The following NLGN1 variants were observed in gnomAD, a reference collection of about 807,000 sequenced individuals.
NLGN1 encodes the protein neuroligin-1.
NLGN1 carries 12 observed loss-of-function variants against 65.5 expected under a neutral mutation model. That is an observed-to-expected ratio of 0.18 (90% CI 0.12 to 0.30). The LOEUF (loss-of-function observed/expected upper bound fraction) is 0.30. NLGN1 is among the 10% of genes least tolerant of loss of function. The pLI, the probability that NLGN1 is intolerant of heterozygous loss-of-function variation, is 1.00. For missense variants in NLGN1, 750 were observed against 1,007.1 expected, an observed-to-expected ratio of 0.74 and a Z score of 3.46; for synonymous variants, 350 against 359.5, an observed-to-expected ratio of 0.97 and a Z score of 0.30.
chr3:173,757,150 A>C (rs975242127), intron 3 of NLGN1, among the ~76,000 whole-genome samples: 5 of 152,074 alleles, frequency 3.3e-5, no homozygotes, highest in African/African-American at 4.8e-5. Flanking sequence ...ACATTTTTGC[A>C]ATATCTAGTG....
chr3:173,421,417 G>C (rs1379104271), intron 1 of NLGN1, among the ~76,000 whole-genome samples: 1 of 151,746 alleles, frequency 6.6e-6, no homozygotes, highest in Non-Finnish European at 1.5e-5. Flanking sequence ...ACATTGGTAT[G>C]TTATCCCATC....
At chr3:173,772,459 A>G (rs957664155) in intron 3 of NLGN1, among the ~76,000 whole-genome samples, 2 of 151,984 alleles carry the variant, frequency 1.3e-5, no homozygotes, top group Non-Finnish European at 2.9e-5. Flanking sequence ...CTCTACTAAA[A>G]ATACAAAAAT....
chr3:173,478,915 A>G (rs1016809299), intron 2 of NLGN1, among the ~76,000 whole-genome samples: 11 of 151,990 alleles, frequency 7.2e-5, no homozygotes, highest in African/African-American at 1.9e-4. Flanking sequence ...AAGAAAAAGA[A>G]AAAGAAAGAA....
chr3:173,568,509 A>G (rs1290423076), intron 2 of NLGN1, among the ~76,000 whole-genome samples: 1 of 152,020 alleles, frequency 6.6e-6, no homozygotes, highest in Non-Finnish European at 1.5e-5. Flanking sequence ...TGTTGGGATT[A>G]CAGGCACAAG....
chr3:174,193,615 T>C (rs1017306935), intron 4 of NLGN1, among the ~76,000 whole-genome samples: 2 of 152,134 alleles, frequency 1.3e-5, no homozygotes, highest in Non-Finnish European at 2.9e-5. Context: ...GGAGTTGCTA[T>C]TACATGAGAA....
chr3:174,291,872 A>T, the NLGN1 span, among the ~76,000 whole-genome samples: 1 of 151,230 alleles, frequency 6.6e-6, no homozygotes, highest in Non-Finnish European at 1.5e-5. Flanking sequence ...TAAACTTGTT[A>T]CATGTTCTGA....
chr3:173,648,228 A>G (rs1758581917), intron 3 of NLGN1, among the ~76,000 whole-genome samples: 1 of 152,200 alleles, frequency 6.6e-6, no homozygotes, highest in Non-Finnish European at 1.5e-5. Context: ...ACAAATTGAG[A>G]GAAAATATTT....
At chr3:173,584,244 GA>G (rs78174265) in intron 2 of NLGN1, among the ~76,000 whole-genome samples, 3,733 of 80,680 alleles carry the variant, frequency 0.046, 64 homozygotes, top group Middle Eastern at 0.089. Flanking sequence ...GGGGCAGAAA[GA>G]AAAAAAAAAA....
At chr3:173,985,717 A>G (rs1719731642) in intron 4 of NLGN1, among the ~76,000 whole-genome samples, 2 of 152,186 alleles carry the variant, frequency 1.3e-5, no homozygotes, top group Admixed American at 6.5e-5. Context: ...TGGGAGGCGC[A>G]AGCGGGTGGA....
At chr3:173,421,540 T>G (rs1715049648) in intron 1 of NLGN1, among the ~76,000 whole-genome samples, 1 of 151,770 alleles carries the variant, frequency 6.6e-6, no homozygotes, top group Non-Finnish European at 1.5e-5. Flanking sequence ...ACAGGGTCTC[T>G]GTCACGCAGG....
chr3:173,981,616 A>G (rs780785400), intron 4 of NLGN1, among the ~76,000 whole-genome samples: 19 of 152,246 alleles, frequency 1.2e-4, no homozygotes, highest in African/African-American at 3.8e-4. Context: ...ATGTAAGGCC[A>G]TGTTGTGATA....
At chr3:173,869,065 T>C (rs1315167573) in intron 4 of NLGN1, among the ~76,000 whole-genome samples, 1 of 152,206 alleles carries the variant, frequency 6.6e-6, no homozygotes, top group East Asian at 1.9e-4. Context: ...TTTTACTAAA[T>C]GATATTCCAT....
intron 2 of NLGN1, among the ~76,000 whole-genome samples, chr3:173,549,069 T>A (rs543208746): frequency 5.3e-5 from 8 of 152,120 alleles, no homozygotes; most frequent in African/African-American, 9.6e-5. Flanking sequence ...TCAAAAAAAA[T>A]TTGTGTTAAA....
intron 4 of NLGN1, among the ~76,000 whole-genome samples, chr3:173,904,101 T>C (rs1043034341): frequency 1.3e-5 from 2 of 152,246 alleles, no homozygotes; most frequent in African/African-American, 2.4e-5. Flanking sequence ...GACTGTGGGC[T>C]GTCAATTTAT....
chr3:173,569,475 G>T (rs1206748088), intron 2 of NLGN1, among the ~76,000 whole-genome samples: 1 of 151,530 alleles, frequency 6.6e-6, no homozygotes, highest in Non-Finnish European at 1.5e-5. Flanking sequence ...TTCGGAGAAG[G>T]CTATTTTTAT....
intron 4 of NLGN1, among the ~76,000 whole-genome samples, chr3:173,813,505 A>G (rs1718405573): frequency 6.6e-6 from 1 of 152,212 alleles, no homozygotes; most frequent in African/African-American, 2.4e-5. Context: ...GAAGGCCACA[A>G]AGAGTGGAGT....
chr3:173,472,747 GAATTT>G (rs1397745416), intron 2 of NLGN1, among the ~76,000 whole-genome samples: 2 of 152,120 alleles, frequency 1.3e-5, no homozygotes, highest in African/African-American at 4.8e-5. Flanking sequence ...AGTGCTTGAA[GAATTT>G]AATTACTGCG....
intron 3 of NLGN1, among the ~76,000 whole-genome samples, chr3:173,606,999 A>G (rs924865172): frequency 1.3e-5 from 2 of 151,994 alleles, no homozygotes; most frequent in Non-Finnish European, 2.9e-5. Flanking sequence ...TATTACAAAG[A>G]TGTTGATTCA....
intron 4 of NLGN1, among the ~76,000 whole-genome samples, chr3:174,174,896 C>T (rs1729169282): frequency 6.6e-6 from 1 of 151,788 alleles, no homozygotes; most frequent in Non-Finnish European, 1.5e-5. Flanking sequence ...TTCTTAATTT[C>T]TGAATTGACC....
Sources: allele counts gnomAD v4.1 joint callset (sites outside exome capture counted in the v4.1 genomes callset), GRCh38; gene constraint gnomAD v4.1.1; transcripts MANE v1.5; gene names NCBI Gene and HGNC (gene_info 2026-07-23, HGNC 2026-07-21).